NFIB: variants seen among roughly 807,000 people sequenced by gnomAD.
NFIB encodes nuclear factor 1 B-type.
NFIB carries 11 observed loss-of-function variants against 61.5 expected under a neutral mutation model. The observed-to-expected ratio is 0.18, with a 90% CI of 0.11 to 0.30. The LOEUF is 0.30. Ranked by LOEUF, NFIB falls within the 10% of genes least tolerant of loss-of-function variation. NFIB has a pLI of 1.00. For missense variants in NFIB, 471 were observed against 608.9 expected (o/e 0.77, Z 2.38); for synonymous variants, 260 against 216.5 (o/e 1.20, Z -1.76).
chr9:14,177,025 T>C (rs1433645125), intron 3 of NFIB, among the ~76,000 whole-genome samples: 1 of 152,144 alleles, frequency 6.6e-6, no homozygotes, highest in Non-Finnish European at 1.5e-5. Context: ...AAACTACCAG[T>C]GATAAGAAAG....
intron 9 of NFIB, among the ~76,000 whole-genome samples, chr9:14,114,079 T>C (rs2037783480): frequency 6.6e-6 from 1 of 152,214 alleles, no homozygotes; most frequent in Admixed American, 6.5e-5. Flanking sequence ...TAATGAGGAA[T>C]CCAGGCTTCA....
At chr9:14,288,641 C>T (rs1330990436) in intron 2 of NFIB, among the ~76,000 whole-genome samples, 1 of 152,066 alleles carries the variant, frequency 6.6e-6, no homozygotes, top group African/African-American at 2.4e-5. Context: ...AGGGTTCCCT[C>T]CCAGAAAGCT....
At chr9:14,500,207 C>G in the NFIB span, among the ~76,000 whole-genome samples, 1 of 152,166 alleles carries the variant, frequency 6.6e-6, no homozygotes, top group Non-Finnish European at 1.5e-5. Context: ...TGAGGTCACA[C>G]AGCAAGTCAG....
chr9:14,285,643 T>C (rs111419275), intron 2 of NFIB, among the ~76,000 whole-genome samples: 3 of 152,134 alleles, frequency 2.0e-5, no homozygotes. Flanking sequence ...GAGTTCTCAT[T>C]TGTGAAAGGG....
chr9:14,114,195 AAAC>A (rs2037796672), intron 9 of NFIB, among the ~76,000 whole-genome samples: 1 of 152,174 alleles, frequency 6.6e-6, no homozygotes, highest in Admixed American at 6.5e-5. Flanking sequence ...AACTTTTTAA[AAAC>A]AGTGAAGATG....
the NFIB span, among the ~76,000 whole-genome samples, chr9:14,510,898 A>G: frequency 6.6e-6 from 1 of 152,138 alleles, no homozygotes; most frequent in Non-Finnish European, 1.5e-5. Context: ...CTTTTTGCTT[A>G]CTGGTAGTAC....
At chr9:14,469,498 C>G in the NFIB span, among the ~76,000 whole-genome samples, 1 of 152,188 alleles carries the variant, frequency 6.6e-6, no homozygotes, top group Non-Finnish European at 1.5e-5. Context: ...CTAAAATCTT[C>G]TCCCTTCCAA....
intron 2 of NFIB, among the ~76,000 whole-genome samples, chr9:14,249,374 A>G (rs1262166480): frequency 6.6e-6 from 1 of 152,186 alleles, no homozygotes; most frequent in Non-Finnish European, 1.5e-5. Context: ...AAGAAATAGT[A>G]TTACTCGGAA....
chr9:14,424,356 C>T, the NFIB span, among the ~76,000 whole-genome samples: 3 of 151,972 alleles, frequency 2.0e-5, no homozygotes, highest in East Asian at 1.9e-4. Context: ...AAAAAGTGTT[C>T]GAGGGTCAAA....
intron 2 of NFIB, among the ~76,000 whole-genome samples, chr9:14,306,440 T>C (rs974874495): frequency 6.6e-6 from 1 of 152,216 alleles, no homozygotes; most frequent in Non-Finnish European, 1.5e-5. Context: ...TAGGTCTACG[T>C]AAGATATACT....
At position 14,150,166 on chromosome 9, in the gene NFIB, G is replaced by C. The variant is rs1240655582; in HGVS notation, c.785C>G (p.Ser262Cys). Residue 262 changes from serine to cysteine, a missense_variant, in exon 5 of 11, where the codon TCT (serine) becomes TGT (cysteine). Ser to Cys is a moderately radical substitution (Grantham distance 112). Coordinates refer to ENST00000380953, the MANE Select transcript of NFIB (RefSeq NM_001190737.2). ...DMNSGVNLQR[S>C]LSSPPSSKRP... ...GTACCTGCTTGGTGGAGAAGACAGA[G>C]ACCTCTGAAGATTGACCCCCGAGTT... is the stretch of plus-strand genomic sequence containing the variant. 1.6e-5 allele frequency: 26 copies of C among 1,613,318 alleles called. No homozygotes were observed. The highest frequency in any genetic ancestry group is 2.2e-5 in the Non-Finnish European group (26 of 1,179,552).
chr9:14,376,826 C>T (rs1306961721), intron 1 of NFIB, among the ~76,000 whole-genome samples: 1 of 146,258 alleles, frequency 6.8e-6, no homozygotes, highest in African/African-American at 2.5e-5. Context: ...CTTAAAAGTG[C>T]CATTTTTTTT....
rs2033540158 is a variant in NFIB, at chr9:14,089,654, A to G, written c.1468-1328T>C. Among the ~76,000 whole-genome samples the G allele has an allele frequency of 2.0e-5, 3 of 152,286 alleles. No homozygotes were observed. In the South Asian group the frequency reaches 6.2e-4, roughly 32 times the overall value. ...GGCCTAGCATGGAAACATACTTTCGAGGTTTTAAATTTCACTGAACATCCT... is the reference window on the plus strand; with the variant it reads ...GGCCTAGCATGGAAACATACTTTCGGGGTTTTAAATTTCACTGAACATCCT... On this transcript the variant is annotated intron_variant, in intron 10 of 10. Coordinates refer to ENST00000380953, the MANE Select transcript of NFIB (RefSeq NM_001190737.2).
chr9:14,257,364 C>T (rs932523557), intron 2 of NFIB, among the ~76,000 whole-genome samples: 4 of 152,184 alleles, frequency 2.6e-5, no homozygotes, highest in African/African-American at 9.7e-5. Flanking sequence ...GGATATTAGA[C>T]TGTGAATTCC....
In NFIB at chr9:14,120,722, CCATT is replaced by C. The variant is rs2038813710; in HGVS notation, c.1061-102_1061-99del. The stretch of plus-strand genomic sequence containing the variant: ...TGCTGTGAAACTACAAAACTGGTAA[CCATT>C]CATTTTTGTCCCCATGATTTAACCA... On this transcript the variant is annotated intron_variant, in intron 7 of 10. Coordinates refer to ENST00000380953, the MANE Select transcript of NFIB (RefSeq NM_001190737.2). This position sits in a 1 kb window ranked among gnomAD's most constrained non-coding sequence, Gnocchi z 4.4. 10 of 1,252,682 alleles carry C rather than the reference CCATT, an allele frequency of 8.0e-6. No individual in the cohort carries two copies. The Admixed American group carries it at 3.0e-4, about 37-fold the overall frequency. 77.6% of individuals were successfully genotyped at this position (1,252,682 alleles called of 1,614,324 possible).
chr9:14,325,967 A>AT (rs529385054), intron 1 of NFIB, among the ~76,000 whole-genome samples: 1 of 152,180 alleles, frequency 6.6e-6, no homozygotes, highest in Non-Finnish European at 1.5e-5. Context: ...AAAGATTCAT[A>AT]TTTTTTATTG....
chr9:14,530,610 G>A, the NFIB span, among the ~76,000 whole-genome samples: 1 of 152,118 alleles, frequency 6.6e-6, no homozygotes, highest in African/African-American at 2.4e-5. Context: ...TTCACGAGAC[G>A]CCTAGGATCA....
chr9:14,367,782 G>T (rs2061317367), intron 1 of NFIB, among the ~76,000 whole-genome samples: 1 of 152,162 alleles, frequency 6.6e-6, no homozygotes, highest in African/African-American at 2.4e-5. Context: ...CACAGGAACA[G>T]AAAACCAAAC....
intron 10 of NFIB, among the ~76,000 whole-genome samples, chr9:14,099,483 TA>T (rs2035389760): frequency 6.6e-6 from 1 of 152,202 alleles, no homozygotes; most frequent in Non-Finnish European, 1.5e-5. Flanking sequence ...AGTCATAAAC[TA>T]AAAAAGATGG....
Sources: allele counts gnomAD v4.1 joint callset (sites outside exome capture counted in the v4.1 genomes callset), GRCh38; gene constraint gnomAD v4.1.1; non-coding constraint Gnocchi (gnomAD v3.1); transcripts MANE v1.5; gene names NCBI Gene and HGNC (gene_info 2026-07-23, HGNC 2026-07-21).